LRBA: variants seen among roughly 807,000 people sequenced by gnomAD.
The protein encoded by LRBA is lipopolysaccharide-responsive and beige-like anchor protein.
A neutral mutation model predicts 330.0 loss-of-function variants in LRBA; 176 were observed. The observed-to-expected ratio is 0.53, with a 90% CI of 0.47 to 0.60. The LOEUF is 0.60. Ranked by LOEUF, LRBA falls within the 20% of genes least tolerant of loss-of-function variation. LRBA has a pLI of 0.00. For synonymous variants in LRBA, 1,230 were observed against 1,193.0 expected (o/e 1.03, Z -0.64); for missense variants, 3,259 against 3,444.8 (o/e 0.95, Z 1.35).
chr4:150,495,414 A>C (rs1759473852), intron 40 of LRBA, among the ~76,000 whole-genome samples: 2 of 152,190 alleles, frequency 1.3e-5, no homozygotes, highest in Non-Finnish European at 2.9e-5. Context: ...AATTATTTAA[A>C]ATTGTCAAAG....
At chr4:150,813,419 T>C (rs183783403) in intron 31 of LRBA, among the ~76,000 whole-genome samples, 1 of 152,048 alleles carries the variant, frequency 6.6e-6, no homozygotes, top group African/African-American at 2.4e-5. Context: ...AAATGCTGCA[T>C]AAGCTAAGGT....
In LRBA at chr4:150,606,409, T is replaced by TA. The variant is rs1407271532; in HGVS notation, c.5922-7279dup. On this transcript the variant is annotated intron_variant, in intron 37 of 56. Coordinates refer to ENST00000651943, the MANE Select transcript of LRBA (RefSeq NM_001364905.1). ...TTATACTGTCCCCAAATATCTAATT[T>TA]AAAAAAATTCACCAAACACTTGTTG... 5.9e-5 allele frequency among the ~76,000 whole-genome samples: 9 copies of TA among 152,062 alleles called. 1 individual carries two copies. The highest frequency in any genetic ancestry group is 1.2e-4 in the African/African-American group (5 of 41,404).
chr4:150,589,421 G>T (rs1348212627), intron 39 of LRBA, among the ~76,000 whole-genome samples: 3 of 152,170 alleles, frequency 2.0e-5, no homozygotes, highest in Non-Finnish European at 4.4e-5. Flanking sequence ...TTGCAGATGG[G>T]CAGCAGATAG....
intron 2 of LRBA, among the ~76,000 whole-genome samples, chr4:150,986,650 T>G (rs1200346549): frequency 3.3e-5 from 5 of 152,204 alleles, no homozygotes; most frequent in Non-Finnish European, 7.3e-5. Context: ...ATCATGCTAA[T>G]TTTTGTCATT....
At chr4:150,369,793 T>C (rs1418622359) in intron 47 of LRBA, among the ~76,000 whole-genome samples, 1 of 152,170 alleles carries the variant, frequency 6.6e-6, no homozygotes, top group African/African-American at 2.4e-5. Flanking sequence ...AAGGTGTTGA[T>C]TTCTGTGTTT....
At chr4:150,647,317 G>A (rs1339901840) in intron 37 of LRBA, among the ~76,000 whole-genome samples, 1 of 136,572 alleles carries the variant, frequency 7.3e-6, no homozygotes, top group Non-Finnish European at 1.6e-5. Flanking sequence ...CCTTTTTCCA[G>A]ATTATATCTG....
intron 24 of LRBA, 66 bp downstream of exon 24, chr4:150,850,658 T>C: frequency 3.1e-6 from 3 of 957,364 alleles, no homozygotes; most frequent in Non-Finnish European, 3.0e-6. Flanking sequence ...AAACTGTTTC[T>C]ATGGATTTCT....
rs1732597349 is a variant in LRBA at position 150,916,454 on chromosome 4, A to C, written c.841T>G (p.Ser281Ala). 2 of 1,613,620 alleles carry C rather than the reference A, an allele frequency of 1.2e-6. No individual in the cohort carries two copies. The highest frequency in any genetic ancestry group is 1.3e-5 in the African/African-American group (1 of 74,896). ...CAGTGTTGAAAGCCTTTTCCTTTTG[A>C]CTTTATTGATGTTACAATCAAACAG... ...GGCLIVTSIKSKGKGFQHCVK... is the reference protein window; with the variant it reads ...GGCLIVTSIKAKGKGFQHCVK... Residue 281 changes from serine to alanine, a missense_variant, in exon 7 of 57, where the codon TCA becomes GCA. By Grantham distance (99) the Ser-to-Ala change is moderately conservative (BLOSUM62 1). Coordinates refer to ENST00000651943, the MANE Select transcript of LRBA (RefSeq NM_001364905.1).
intron 37 of LRBA, among the ~76,000 whole-genome samples, chr4:150,633,606 G>T (rs1380251642): frequency 6.6e-6 from 1 of 152,148 alleles, no homozygotes; most frequent in Non-Finnish European, 1.5e-5. Context: ...GCAGTCAGGG[G>T]GTTCTCAGAG....
chr4:150,845,168 C>G (rs1749670725), intron 26 of LRBA, among the ~76,000 whole-genome samples: 1 of 152,092 alleles, frequency 6.6e-6, no homozygotes, highest in African/African-American at 2.4e-5. Flanking sequence ...AAACAGGGAA[C>G]AAAGTACATT....
At chr4:150,318,447 T>TA (rs1410669376) in intron 50 of LRBA, among the ~76,000 whole-genome samples, 1 of 151,966 alleles carries the variant, frequency 6.6e-6, no homozygotes, top group Non-Finnish European at 1.5e-5. Context: ...AACCTAAAAT[T>TA]AAAAAAATAA....
At chr4:150,731,791 A>C (rs1026495929) in intron 36 of LRBA, among the ~76,000 whole-genome samples, 1 of 152,162 alleles carries the variant, frequency 6.6e-6, no homozygotes, top group African/African-American at 2.4e-5. Flanking sequence ...GCACAACAGG[A>C]GACAATAGTC....
At chr4:150,566,968 A>T (rs892405378) in intron 40 of LRBA, among the ~76,000 whole-genome samples, 2 of 152,146 alleles carry the variant, frequency 1.3e-5, no homozygotes, top group African/African-American at 4.8e-5. Flanking sequence ...AAGCCACAAT[A>T]TTTCCTAAGT....
At chr4:150,542,413 T>C (rs190899483) in intron 40 of LRBA, among the ~76,000 whole-genome samples, 200 of 152,342 alleles carry the variant, frequency 1.3e-3, no homozygotes, top group Non-Finnish European at 2.4e-3. Context: ...AAAAGTGTCA[T>C]TTCTTGTTAT....
rs140867616 is a variant in LRBA at position 150,365,633 on chromosome 4, A to C, written c.7195-15474T>G. Among the ~76,000 whole-genome samples, 165 of 152,042 alleles carry C rather than the reference A, an allele frequency of 1.1e-3. 4 individuals carry two copies. The highest frequency in any genetic ancestry group is 3.9e-3 in the African/African-American group (162 of 41,468). On this transcript the variant is annotated intron_variant, in intron 47 of 56. Coordinates refer to ENST00000651943, the MANE Select transcript of LRBA (RefSeq NM_001364905.1). The stretch of plus-strand genomic sequence containing the variant: ...ATGGAGAAACCCCATCTCTACTAAA[A>C]ATACAAAATTAGCTGGGCATGGTGG...
intron 37 of LRBA, among the ~76,000 whole-genome samples, chr4:150,639,736 A>AATATATATAT (rs1212252752): frequency 3.9e-5 from 2 of 51,152 alleles, no homozygotes; most frequent in African/African-American, 1.7e-4. Flanking sequence ...CTATGCCCCA[A>AATATATATAT]ATATATATAT....
At chr4:150,513,559 G>A (rs72734495) in intron 40 of LRBA, among the ~76,000 whole-genome samples, 32,614 of 152,060 alleles carry the variant, frequency 0.21, 4,347 homozygotes, top group Non-Finnish European at 0.3. Flanking sequence ...AGACTAGGTG[G>A]CTTAAACAAC....
intron 37 of LRBA, among the ~76,000 whole-genome samples, chr4:150,617,344 G>T (rs1775861773): frequency 3.9e-5 from 6 of 152,168 alleles, no homozygotes. Context: ...CTTTTAAAAT[G>T]AATAACAAGT....
Position 150,310,280 on chromosome 4 carries a change from G to C in LRBA, c.7798C>G (p.Leu2600Val). 6.2e-7 allele frequency: 1 copy of C among 1,612,546 alleles called. No individual in the cohort carries two copies. The highest frequency in any genetic ancestry group is 1.7e-5 in the Admixed American group (1 of 59,930). Residue 2600 changes from leucine to valine, a missense_variant, in exon 52 of 57, where the codon CTC becomes GTC. Transcript: ENST00000651943. ...CTTTTATCCCAGAAGCCACAGACGAGAATATAGCGGTTGTCTGAAGTGATG... is the reference window on the plus strand; with the variant it reads ...CTTTTATCCCAGAAGCCACAGACGACAATATAGCGGTTGTCTGAAGTGATG... Reference protein sequence around the residue: ...FVITSDNRYILVCGFWDKSFR... With the variant: ...FVITSDNRYIVVCGFWDKSFR...
Sources: allele counts gnomAD v4.1 joint callset (sites outside exome capture counted in the v4.1 genomes callset), GRCh38; gene constraint gnomAD v4.1.1; transcripts MANE v1.5; gene names NCBI Gene and HGNC (gene_info 2026-07-23, HGNC 2026-07-21).